The following MYO7A variants were observed in gnomAD, a reference collection of about 807,000 sequenced individuals.
MYO7A encodes myosin VIIA, also known as unconventional myosin-VIIa.
MYO7A carries 210 observed loss-of-function variants against 263.8 expected under a neutral mutation model. The ratio of observed to expected loss-of-function variants is 0.80; its 90% CI spans 0.71 to 0.89. The LOEUF (loss-of-function observed/expected upper bound fraction) is 0.89, where lower values mean the gene tolerates loss of function less well. MYO7A is among the 40% of genes least tolerant of loss of function. The pLI, the probability that MYO7A is intolerant of heterozygous loss-of-function variation, is 0.00. For missense variants in MYO7A, 2,820 were observed against 2,968.3 expected, an observed-to-expected ratio of 0.95 and a Z score of 1.16; for synonymous variants, 1,239 against 1,197.3, an observed-to-expected ratio of 1.03 and a Z score of -0.72.
chr11:77,189,361 A>C lies in MYO7A; in HGVS notation c.3521A>C (p.Gln1174Pro). 1 of 1,613,656 alleles carries C rather than the reference A, an allele frequency of 6.2e-7. No individual in the cohort carries two copies. Among genetic ancestry groups the C allele is most frequent in the Non-Finnish European group, 8.5e-7 (1 of 1,179,884 alleles). The part of the protein sequence containing the change: ...RPALRDEIYC[Q>P]ISKQLTHNPS... ...CTGCCCAGGGACGAGATCTACTGCC[A>C]GATCAGCAAGCAGCTGACCCACAAC... Residue 1174 changes from glutamine to proline, a missense_variant, in exon 28 of 49, where the codon CAG becomes CCG. By Grantham distance (76) the Gln-to-Pro change is moderately conservative (BLOSUM62 -1). Transcript: ENST00000409709.
chr11:77,188,582 C>CAAGTCTTAGAGTACTCAGTT lies in MYO7A; in HGVS notation c.3504-762_3504-761insAAGTCTTAGAGTACTCAGTT, dbSNP rs1227307859. Among the ~76,000 whole-genome samples, 943 of 152,308 alleles carry CAAGTCTTAGAGTACTCAGTT rather than the reference C, an allele frequency of 6.2e-3. 11 individuals carry two copies. The highest frequency in any genetic ancestry group is 0.021 in the African/African-American group (880 of 41,542). On this transcript the variant is annotated intron_variant, in intron 27 of 48. Transcript: ENST00000409709. ...CTGCCCTTGTCCTTGAACAGGCAGG[C>CAAGTCTTAGAGTACTCAGTT]TGCAGTCTTAGAGTACTCAGTTTGC...
chr11:77,130,565 A>C, intron 1 of MYO7A, 24 bp from the exon 2 acceptor site: 1 of 1,588,070 alleles, frequency 6.3e-7, no homozygotes, highest in South Asian at 1.1e-5. Flanking sequence ...GCCCAGAAGC[A>C]TGACATGGTC....
chr11:77,165,877 C>T (rs1953491162), intron 14 of MYO7A, among the ~76,000 whole-genome samples, 179 bp from the exon 15 acceptor site: 6 of 151,964 alleles, frequency 3.9e-5, no homozygotes. Context: ...GGGAGATGGC[C>T]CCTCACTTTC....
chr11:77,133,938 C>T (rs1950839979), intron 2 of MYO7A, among the ~76,000 whole-genome samples: 2 of 151,974 alleles, frequency 1.3e-5, no homozygotes, highest in African/African-American at 4.8e-5. Flanking sequence ...CAAATAACAT[C>T]TTTTTTTTGA....
chr11:77,174,992 G>A (rs1388354248), intron 17 of MYO7A, 78 bp downstream of exon 17: 3 of 1,561,590 alleles, frequency 1.9e-6, no homozygotes, highest in Non-Finnish European at 1.7e-6. Context: ...TTTCTTATCA[G>A]GACCATGGGC....
chr11:77,163,946 T>G (rs7943982), intron 14 of MYO7A, among the ~76,000 whole-genome samples: 58,137 of 151,970 alleles, frequency 0.38, 11,398 homozygotes, highest in Admixed American at 0.42. Flanking sequence ...CAATGCTTGT[T>G]TGCACATTTA....
chr11:77,177,557 T>A lies in MYO7A; in HGVS notation c.2196T>A (p.His732Gln), dbSNP rs782526818. The A allele has an allele frequency of 6.2e-7, 1 of 1,610,684 alleles. No individual in the cohort carries two copies. The highest frequency in any genetic ancestry group is 8.5e-7 in the Non-Finnish European group (1 of 1,178,832). ...GKTKIFLKDH[H>Q]DMLLEVERDK... ...GGAGCTCTGCCTCCTAGGACCACCA[T>A]GACATGCTGCTGGAAGTGGAGCGGG... Residue 732 changes from histidine to glutamine, a missense_variant, in exon 19 of 49, where the codon CAT becomes CAA. Coordinates refer to ENST00000409709, the MANE Select transcript of MYO7A (RefSeq NM_000260.4).
intron 18 of MYO7A, among the ~76,000 whole-genome samples, 187 bp from the exon 19 acceptor site, chr11:77,177,362 A>G (rs1954734953): frequency 6.6e-6 from 1 of 152,222 alleles, no homozygotes; most frequent in Non-Finnish European, 1.5e-5. Flanking sequence ...GGAAACAGCC[A>G]CAACCCCTGT....
rs199989979 is a variant in MYO7A at position 77,142,729 on chromosome 11, C to A, written c.39C>A (p.Asp13Glu). The change falls in exon 3 of 49, where the codon GAC becomes GAA. Residue 13 changes from aspartate (D) to glutamate (E), a missense_variant. Coordinates refer to ENST00000409709, the MANE Select transcript of MYO7A (RefSeq NM_000260.4). ...ILQQGDHVWMDLRLGQEFDVP... is the reference protein window; with the variant it reads ...ILQQGDHVWMELRLGQEFDVP... ...CATAGGGGGACCATGTGTGGATGGA[C>A]CTGAGATTGGGGCAGGAGTTCGACG... 1.5e-4 allele frequency: 249 copies of A among 1,611,184 alleles called. No individual in the cohort carries two copies. In the African/African-American group the frequency reaches 3.0e-3, roughly 19 times the overall value.
At chr11:77,204,845 T>A (rs1565473699) in intron 39 of MYO7A, among the ~76,000 whole-genome samples, 3 of 152,226 alleles carry the variant, frequency 2.0e-5, no homozygotes, top group Admixed American at 6.5e-5. Context: ...CTTTTGACAG[T>A]GCCAAACCTT....
rs782148618 is a variant in MYO7A, at chr11:77,179,928, G to C, written c.2561G>C (p.Arg854Thr). Reference protein sequence around the residue: ...QAYARGMIARRLHQRLRAEYL... With the variant: ...QAYARGMIARTLHQRLRAEYL... ...TATGCCCGGGGCATGATCGCCCGCA[G>C]GCTGCACCAACGCCTCAGGGCTGAG... The change falls in exon 21 of 49, where the codon AGG becomes ACG. Residue 854 changes from arginine to threonine, a missense_variant. By Grantham distance (71) the Arg-to-Thr change is moderately conservative. Coordinates refer to ENST00000409709, the MANE Select transcript of MYO7A (RefSeq NM_000260.4). 1 of 1,531,410 alleles carries C rather than the reference G, an allele frequency of 6.5e-7. No homozygotes were observed. The highest frequency in any genetic ancestry group is 1.4e-5 in the African/African-American group (1 of 72,870). The allele number at this position is 1,531,410 out of a possible 1,614,324, so 94.9% of individuals were successfully genotyped here.
Position 77,157,333 on chromosome 11 carries a change from G to A in MYO7A, c.790G>A (p.Glu264Lys). Residue 264 changes from glutamate to lysine, a missense_variant, in exon 8 of 49, where the codon GAG becomes AAG. Coordinates refer to ENST00000409709, the MANE Select transcript of MYO7A (RefSeq NM_000260.4). ...VFYCMLEGMS[E>K]DQKKKLGLGQ... ...CTACTGCATGCTGGAGGGTATGAGT[G>A]AGGATCAGAAGAAGAAGCTGGGCTT... 1.2e-6 allele frequency: 2 copies of A among 1,612,562 alleles called. No homozygotes were observed. Among genetic ancestry groups the A allele is most frequent in the Admixed American group, 1.7e-5 (1 of 59,832 alleles).
intron 18 of MYO7A, among the ~76,000 whole-genome samples, chr11:77,176,139 C>T (rs1412175953): frequency 6.6e-6 from 1 of 152,208 alleles, no homozygotes; most frequent in African/African-American, 2.4e-5. Flanking sequence ...GCTCCTTCCT[C>T]TGGTGTGGGG....
At chr11:77,164,011 C>A (rs547775770) in intron 14 of MYO7A, among the ~76,000 whole-genome samples, 3 of 152,252 alleles carry the variant, frequency 2.0e-5, no homozygotes, top group Non-Finnish European at 2.9e-5. Flanking sequence ...TTACCTGATA[C>A]AACATAGCCC....
intron 12 of MYO7A, 55 bp downstream of exon 12, chr11:77,161,170 A>C: frequency 6.2e-7 from 1 of 1,605,374 alleles, no homozygotes; most frequent in Non-Finnish European, 8.5e-7. Flanking sequence ...GGAAATAAGA[A>C]ATATCACGTC....
At chr11:77,211,677 C>T (rs1245476785) in intron 45 of MYO7A, 144 bp from the exon 46 acceptor site, 6 of 646,372 alleles carry the variant, frequency 9.3e-6, no homozygotes, top group Non-Finnish European at 1.6e-5. Context: ...CCCAGGTCTG[C>T]TGTCCTAGTC....
chr11:77,180,915 A>G (rs1378012140), intron 22 of MYO7A, among the ~76,000 whole-genome samples: 4 of 152,244 alleles, frequency 2.6e-5, no homozygotes, highest in African/African-American at 9.6e-5. Context: ...TGAATATAAA[A>G]TATCTCAGTA....
chr11:77,142,156 C>A (rs1222452701), intron 2 of MYO7A, among the ~76,000 whole-genome samples: 1 of 152,220 alleles, frequency 6.6e-6, no homozygotes, highest in Non-Finnish European at 1.5e-5. Context: ...AAAGCGACAT[C>A]CTCCCCCAGG....
chr11:77,172,340 T>C (rs2135402208), intron 15 of MYO7A, among the ~76,000 whole-genome samples: 1 of 152,276 alleles, frequency 6.6e-6, no homozygotes, highest in Middle Eastern at 3.4e-3. Flanking sequence ...AACCCCTGTC[T>C]CTAGAGATGA....
Sources: gnomAD v4.1 joint callset for allele counts (sites outside exome capture counted in the v4.1 genomes callset) on GRCh38, gnomAD v4.1.1 for gene constraint, MANE v1.5 for transcripts, NCBI Gene and HGNC (gene_info 2026-07-23, HGNC 2026-07-21) for gene names.